Variants in NEGR1 observed in about 807,000 individuals in gnomAD.
NEGR1 encodes neuronal growth regulator 1.
NEGR1 carries 10 observed loss-of-function variants against 40.9 expected under a neutral mutation model. That is an observed-to-expected ratio of 0.24 (90% confidence interval 0.15 to 0.42). The LOEUF is 0.42. NEGR1 is among the 10% of genes least tolerant of loss of function. The probability of loss-of-function intolerance (pLI) is 1.00; values close to 1 mark genes in which losing one functional copy is unlikely to be tolerated. For missense variants in NEGR1, 352 were observed against 438.9 expected (o/e 0.80, Z 1.77); for synonymous variants, 185 against 166.8 (o/e 1.11, Z -0.84).
At chr1:71,538,719 A>C (rs1647589961) in intron 6 of NEGR1, among the ~76,000 whole-genome samples, 1 of 151,742 alleles carries the variant, frequency 6.6e-6, no homozygotes, top group Non-Finnish European at 1.5e-5. Context: ...GGCTTCGTGC[A>C]TGGAGTACAA....
intron 6 of NEGR1, among the ~76,000 whole-genome samples, chr1:71,540,415 C>A (rs1473916553): frequency 6.6e-6 from 1 of 151,732 alleles, no homozygotes; most frequent in Admixed American, 6.6e-5. Flanking sequence ...TTCCTTATAC[C>A]TAGAAAACCC....
chr1:72,244,172 T>TA (rs1458579191), intron 1 of NEGR1, among the ~76,000 whole-genome samples: 3 of 151,828 alleles, frequency 2.0e-5, no homozygotes, highest in Non-Finnish European at 4.4e-5. Flanking sequence ...TATTCCATCA[T>TA]AAAAAAGTAT....
intron 2 of NEGR1, among the ~76,000 whole-genome samples, chr1:71,879,481 C>T (rs999022654): frequency 6.6e-6 from 1 of 152,182 alleles, no homozygotes; most frequent in Non-Finnish European, 1.5e-5. Context: ...AAATCAACCA[C>T]ATATTTTTGG....
chr1:71,534,438 G>A (rs1307186183), intron 6 of NEGR1, among the ~76,000 whole-genome samples: 1 of 151,642 alleles, frequency 6.6e-6, no homozygotes, highest in Non-Finnish European at 1.5e-5. Flanking sequence ...TCTGGGCCAT[G>A]GATCATGCTG....
chr1:71,865,515 C>T (rs1351346441), intron 2 of NEGR1, among the ~76,000 whole-genome samples: 2 of 152,084 alleles, frequency 1.3e-5, no homozygotes, highest in Non-Finnish European at 2.9e-5. Context: ...TGTTCTCACT[C>T]ATAAGTGGGA....
chr1:71,755,683 T>A (rs1376557629), intron 3 of NEGR1, among the ~76,000 whole-genome samples: 1 of 152,200 alleles, frequency 6.6e-6, no homozygotes, highest in African/African-American at 2.4e-5. Context: ...GTCCTTAAAC[T>A]TCAAGGCTCA....
At chr1:71,445,670 C>A (rs893123373) in intron 6 of NEGR1, among the ~76,000 whole-genome samples, 3 of 152,102 alleles carry the variant, frequency 2.0e-5, no homozygotes, top group Admixed American at 2.0e-4. Context: ...GAAAATAAGA[C>A]CTAGAAAATG....
intron 5 of NEGR1, among the ~76,000 whole-genome samples, chr1:71,594,204 A>G (rs188663538): frequency 6.6e-6 from 1 of 152,342 alleles, no homozygotes; most frequent in Non-Finnish European, 1.5e-5. Context: ...AATAACTTCT[A>G]CACAATTTAC....
At chr1:71,411,489 C>T (rs1207554733) in intron 6 of NEGR1, among the ~76,000 whole-genome samples, 1 of 152,142 alleles carries the variant, frequency 6.6e-6, no homozygotes, top group Non-Finnish European at 1.5e-5. Flanking sequence ...GTTGAAGGAT[C>T]TCTGTCAAGT....
At chr1:71,858,025 A>G (rs1239044464) in intron 2 of NEGR1, among the ~76,000 whole-genome samples, 3 of 151,980 alleles carry the variant, frequency 2.0e-5, no homozygotes, top group Admixed American at 2.0e-4. Context: ...TCTAACACCA[A>G]GTGTTGCAAT....
Position 71,979,055 on chromosome 1 carries a change from C to T in NEGR1, c.177-43744G>A, listed in dbSNP as rs117735481. Among the ~76,000 whole-genome samples the T allele has an allele frequency of 1.5e-4, 23 of 152,204 alleles. No individual in the cohort carries two copies. The East Asian group carries it at 4.4e-3, about 29-fold the overall frequency. On this transcript the variant is annotated intron_variant, in intron 1 of 6. Transcript: ENST00000357731. ...AAAAAGAATGAAACCATGTCCTTTG[C>T]AGGAACATGAATGGAGCTGGAGGCC...
At chr1:71,682,971 C>T (rs929156226) in intron 4 of NEGR1, among the ~76,000 whole-genome samples, 5 of 151,892 alleles carry the variant, frequency 3.3e-5, no homozygotes, top group African/African-American at 7.3e-5. Flanking sequence ...GGTATCAGGG[C>T]GAGGCTTCTT....
At chr1:71,666,917 G>T (rs1384632740) in intron 4 of NEGR1, among the ~76,000 whole-genome samples, 10 of 152,044 alleles carry the variant, frequency 6.6e-5, no homozygotes, top group Non-Finnish European at 1.0e-4. Flanking sequence ...AATGTCTCAT[G>T]ACCTCATACT....
At chr1:71,851,452 C>A (rs142059160) in intron 2 of NEGR1, among the ~76,000 whole-genome samples, 6 of 152,226 alleles carry the variant, frequency 3.9e-5, no homozygotes, top group African/African-American at 1.4e-4. Flanking sequence ...ATTTTTACTA[C>A]AGTTATGCAT....
intron 6 of NEGR1, among the ~76,000 whole-genome samples, chr1:71,558,092 GT>G (rs1648311980): frequency 1.3e-5 from 2 of 151,582 alleles, no homozygotes; most frequent in South Asian, 4.1e-4. Context: ...ACATTAATGT[GT>G]CTTACTTCTG....
At chr1:71,508,599 T>C (rs976621117) in intron 6 of NEGR1, among the ~76,000 whole-genome samples, 2 of 152,164 alleles carry the variant, frequency 1.3e-5, no homozygotes, top group Non-Finnish European at 2.9e-5. Flanking sequence ...CTGTGGGAAT[T>C]TGGAAAATCA....
intron 4 of NEGR1, among the ~76,000 whole-genome samples, chr1:71,641,583 A>G (rs2101573800): frequency 6.6e-6 from 1 of 152,100 alleles, no homozygotes; most frequent in South Asian, 2.1e-4. Flanking sequence ...TCCATTTCTT[A>G]AATCTCCAGA....
At chr1:71,533,574 T>G (rs940134867) in intron 6 of NEGR1, among the ~76,000 whole-genome samples, 2 of 151,654 alleles carry the variant, frequency 1.3e-5, no homozygotes, top group African/African-American at 2.4e-5. Flanking sequence ...TATTTGTGTG[T>G]CTACAAGGCA....
intron 1 of NEGR1, among the ~76,000 whole-genome samples, chr1:72,189,681 G>C (rs531050193): frequency 9.2e-5 from 14 of 151,616 alleles, no homozygotes; most frequent in African/African-American, 3.1e-4. Context: ...CCCTGCATAA[G>C]AAGATAGAGG....
Sources: allele counts gnomAD v4.1 joint callset (sites outside exome capture counted in the v4.1 genomes callset), GRCh38; gene constraint gnomAD v4.1.1; transcripts MANE v1.5; gene names NCBI Gene and HGNC (gene_info 2026-07-23, HGNC 2026-07-21).